The following NFAM1 variants were observed in gnomAD, a reference collection of about 807,000 sequenced individuals.
NFAM1 encodes the protein NFAT activating protein with ITAM motif 1, also known as NFAT activation molecule 1.
NFAM1 carries 17 observed loss-of-function variants against 29.0 expected under a neutral mutation model. That is an observed-to-expected ratio of 0.59 (90% CI 0.40 to 0.88). The LOEUF (loss-of-function observed/expected upper bound fraction) is 0.88. Ranked by LOEUF, NFAM1 falls within the 40% of genes least tolerant of loss-of-function variation. The pLI is 0.00. For missense variants in NFAM1, 324 were observed against 344.6 expected, an observed-to-expected ratio of 0.94 and a Z score of 0.47; for synonymous variants, 175 against 147.2, an observed-to-expected ratio of 1.19 and a Z score of -1.36.
chr22:42,419,989 G>GTTTTTTTTTTTTTTTTTTTTTTTTTTT lies in NFAM1; in HGVS notation c.122-8254_122-8253insAAAAAAAAAAAAAAAAAAAAAAAAAAA, dbSNP rs1491236869. On this transcript the variant is annotated intron_variant, in intron 1 of 5. Transcript: ENST00000329021. The surrounding 1 kb of genome is among the most constrained non-coding windows in gnomAD (Gnocchi z 4.5). ...CCTTTGAGTCTGTAATCCCACTCTT[G>GTTTTTTTTTTTTTTTTTTTTTTTTTTT]GTTTTTTTTTTTTTTTTTTTTTTTT... Among the ~76,000 whole-genome samples the GTTTTTTTTTTTTTTTTTTTTTTTTTTT allele has an allele frequency of 1.6e-4, 9 of 56,548 alleles. 4 individuals carry two copies. The highest frequency in any genetic ancestry group is 1.2e-3 in the South Asian group (2 of 1,702). The allele number at this position is 56,548 out of a possible 152,430, so 37.1% of individuals were successfully genotyped here.
chr22:42,425,115 G>T (rs1045290381), intron 1 of NFAM1, among the ~76,000 whole-genome samples: 1 of 151,992 alleles, frequency 6.6e-6, no homozygotes, highest in African/African-American at 2.4e-5. Context: ...TGAAGAAGGG[G>T]TTTCACCATG....
chr22:42,410,752 C>T (rs1231739152), intron 2 of NFAM1, among the ~76,000 whole-genome samples: 1 of 152,108 alleles, frequency 6.6e-6, no homozygotes, highest in Non-Finnish European at 1.5e-5. Flanking sequence ...ATACACGAGG[C>T]CCCCACAAAT....
Position 42,387,047 on chromosome 22 carries a change from G to C in NFAM1, c.695C>G (p.Ala232Gly). 3 of 1,588,008 alleles carry C rather than the reference G, an allele frequency of 1.9e-6. No homozygotes were observed. In the Admixed American group the frequency reaches 5.3e-5, roughly 28 times the overall value. Reference protein sequence around the residue: ...ALQRRETEVYACIENEDGSSP... With the variant: ...ALQRRETEVYGCIENEDGSSP... ...GCTGCCATCCTCATTCTCGATGCAG[G>C]CATAGACCTCGGTCTCGCGGCGCTG... is the stretch of plus-strand genomic sequence containing the variant. Residue 232 changes from alanine to glycine, a missense_variant, in exon 5 of 6, where the codon GCC (alanine) becomes GGC (glycine). Physicochemically the swap from Ala to Gly is moderately conservative, Grantham distance 60 (BLOSUM62 0). Coordinates refer to ENST00000329021, the MANE Select transcript of NFAM1 (RefSeq NM_145912.8).
At chr22:42,392,333 C>T (rs1285356667) in intron 4 of NFAM1, among the ~76,000 whole-genome samples, 1 of 152,052 alleles carries the variant, frequency 6.6e-6, no homozygotes, top group African/African-American at 2.4e-5. Flanking sequence ...TCAAGGGTGT[C>T]AGATGCCGTT....
rs1292760879 is a variant in NFAM1 at position 42,411,427 on chromosome 22, C to T, written c.431G>A (p.Gly144Asp). 1.2e-6 allele frequency: 2 copies of T among 1,613,406 alleles called. No individual in the cohort carries two copies. Among genetic ancestry groups the T allele is most frequent in the South Asian group, 1.1e-5 (1 of 91,022 alleles). ...HWPHSTVRGS[G>D]TFILVRDAGY... ...CTTACCTCTGACCAGGATGAAGGTG[C>T]CGCTGCCTCTCACCGTGGAGTGTGG... The change falls in exon 2 of 6, where the codon GGC becomes GAC. Residue 144 changes from glycine to aspartate, a missense_variant. Physicochemically the swap from Gly to Asp is moderately conservative, Grantham distance 94. Transcript: ENST00000329021.
chr22:42,407,304 A>C (rs1929931975), intron 3 of NFAM1, among the ~76,000 whole-genome samples: 1 of 139,114 alleles, frequency 7.2e-6, no homozygotes, highest in Non-Finnish European at 1.5e-5. Flanking sequence ...CTAGTCTTGA[A>C]CTCCTGGCCT....
intron 1 of NFAM1, among the ~76,000 whole-genome samples, chr22:42,412,788 A>G (rs944932454): frequency 2.6e-5 from 4 of 152,314 alleles, no homozygotes; most frequent in East Asian, 1.9e-4. Context: ...TTTTTACAGT[A>G]TAACAGGCAA....
At chr22:42,417,149 G>A (rs1336482297) in intron 1 of NFAM1, among the ~76,000 whole-genome samples, 1 of 152,204 alleles carries the variant, frequency 6.6e-6, no homozygotes, top group Non-Finnish European at 1.5e-5. Context: ...AAGAGAAGAG[G>A]CACCTCGCCC....
chr22:42,403,617 C>T (rs548468163), intron 3 of NFAM1, among the ~76,000 whole-genome samples: 213 of 152,352 alleles, frequency 1.4e-3, no homozygotes, highest in African/African-American at 4.6e-3. Context: ...TGTACCCAGC[C>T]TGAATGAATG....
chr22:42,397,560 A>G (rs752274886), intron 4 of NFAM1, among the ~76,000 whole-genome samples: 9 of 152,148 alleles, frequency 5.9e-5, no homozygotes, highest in Non-Finnish European at 8.8e-5. Context: ...ATTCTTCGCC[A>G]ACTTGTGCCG....
At chr22:42,386,331 G>A (rs184464228) in intron 5 of NFAM1, among the ~76,000 whole-genome samples, 215 of 151,806 alleles carry the variant, frequency 1.4e-3, no homozygotes, top group Admixed American at 3.9e-3. Flanking sequence ...CTGAGATCGC[G>A]CCACTGCACT....
Position 42,384,711 on chromosome 22 carries a change from T to C in NFAM1, c.*450A>G, listed in dbSNP as rs79257043. The stretch of plus-strand genomic sequence containing the variant: ...GCATAGCTGCTCCCCAGCTCCTCCA[T>C]ACCTCGGCTCCCCACACAGCACTGC... On this transcript the variant is annotated 3_prime_UTR_variant, in exon 6 of 6. Coordinates refer to ENST00000329021, the MANE Select transcript of NFAM1 (RefSeq NM_145912.8). The C allele has an allele frequency of 7.2e-3, 1,305 of 180,962 alleles. 19 individuals are homozygous for C. The highest frequency in any genetic ancestry group is 0.029 in the African/African-American group (1,240 of 42,196). 11.2% of individuals were successfully genotyped at this position (180,962 alleles called of 1,614,324 possible).
chr22:42,405,873 A>G (rs1929880348), intron 3 of NFAM1, among the ~76,000 whole-genome samples: 1 of 152,192 alleles, frequency 6.6e-6, no homozygotes, highest in South Asian at 2.1e-4. Flanking sequence ...GGGAGCCAGC[A>G]TCGTGGCTGA....
At chr22:42,431,923 C>CGCCCCTG (rs1930815380) in intron 1 of NFAM1, among the ~76,000 whole-genome samples, 1 of 152,162 alleles carries the variant, frequency 6.6e-6, no homozygotes, top group African/African-American at 2.4e-5. Context: ...CCCCCTGCCC[C>CGCCCCTG]GCCCCTGGCC....
intron 1 of NFAM1, among the ~76,000 whole-genome samples, chr22:42,417,670 G>A (rs1182765940): frequency 6.6e-6 from 1 of 152,166 alleles, no homozygotes; most frequent in Non-Finnish European, 1.5e-5. Context: ...TGCCTGGCCT[G>A]CCCTGCTGCA....
At chr22:42,414,784 A>G (rs1335634180) in intron 1 of NFAM1, among the ~76,000 whole-genome samples, 1 of 151,712 alleles carries the variant, frequency 6.6e-6, no homozygotes, top group African/African-American at 2.4e-5. Context: ...CTCCAGGGGG[A>G]GGGCAGATAC....
Position 42,381,329 on chromosome 22 carries a change from G to A in NFAM1, c.*3832C>T, listed in dbSNP as rs1019355351. 2.6e-5 allele frequency: 4 copies of A among 153,166 alleles called. No individual in the cohort carries two copies. Among genetic ancestry groups the A allele is most frequent in the African/African-American group, 4.8e-5 (2 of 41,458 alleles). The allele number at this position is 153,166 out of a possible 1,614,324, so 9.5% of individuals were successfully genotyped here. On this transcript the variant is annotated 3_prime_UTR_variant, in exon 6 of 6. Coordinates refer to ENST00000329021, the MANE Select transcript of NFAM1 (RefSeq NM_145912.8). ...AGTGCTGACAGAGCAGGAGTCAAGC[G>A]GGGGTGGGGTTGGAGGCTGAAACCC...
chr22:42,409,465 T>TACACTCAGG lies in NFAM1; in HGVS notation c.525_533dup (p.Leu176_Val178dup), dbSNP rs1422510852. 12 of 1,556,794 alleles carry TACACTCAGG rather than the reference T, an allele frequency of 7.7e-6. No individual in the cohort carries two copies. The highest frequency in any genetic ancestry group is 1.0e-5 in the Non-Finnish European group (12 of 1,149,466). On this transcript the variant is annotated inframe_insertion, in exon 3 of 6. Transcript: ENST00000329021. This position sits in a 1 kb window ranked among gnomAD's most constrained non-coding sequence, Gnocchi z 4.9. The stretch of plus-strand genomic sequence containing the variant: ...TCCAGAGCAGCAGGGCCGTGCCCAC[T>TACACTCAGG]ACACTCAGGACACTCAGGAGGCCGG...
At chr22:42,437,137 TTG>T (rs1491117576), upstream of NFAM1, 438 of 287,372 alleles carry the variant, frequency 1.5e-3, no homozygotes, top group South Asian at 1.9e-3. Context: ...TTTTTTCTTT[TTG>T]TCTTTTTTTT....
Sources: gnomAD v4.1 joint callset for allele counts (sites outside exome capture counted in the v4.1 genomes callset) on GRCh38, gnomAD v4.1.1 for gene constraint, Gnocchi (gnomAD v3.1) non-coding constraint, MANE v1.5 for transcripts, NCBI Gene and HGNC (gene_info 2026-07-23, HGNC 2026-07-21) for gene names.